The following EGFR variants were observed in gnomAD, a reference collection of about 807,000 sequenced individuals.
EGFR encodes the protein epidermal growth factor receptor.
EGFR carries 58 observed loss-of-function variants against 143.0 expected under a neutral mutation model. The observed-to-expected ratio is 0.41, with a 90% confidence interval of 0.33 to 0.50. The LOEUF is 0.50. Ranked by LOEUF, EGFR falls within the 20% of genes least tolerant of loss-of-function variation. EGFR has a pLI of 0.39. For missense variants in EGFR, 1,307 were observed against 1,579.0 expected (o/e 0.83, Z 2.92); for synonymous variants, 613 against 594.4 (o/e 1.03, Z -0.45).
chr7:55,165,141 G>A (rs1278717042), intron 14 of EGFR, 139 bp from the exon 15 acceptor site: 9 of 1,224,244 alleles, frequency 7.4e-6, no homozygotes, highest in Non-Finnish European at 1.0e-5. Flanking sequence ...CAGAATAACT[G>A]GTTTTCTCCT....
At chr7:55,119,829 G>C (rs143817306) in intron 1 of EGFR, among the ~76,000 whole-genome samples, 12 of 152,304 alleles carry the variant, frequency 7.9e-5, no homozygotes, top group Middle Eastern at 3.4e-3. Flanking sequence ...GGTGACCACT[G>C]CCCCAAATCT....
At position 55,181,411 on chromosome 7, in the gene EGFR, A is replaced by G. The variant is rs779394350; in HGVS notation, c.2402A>G (p.Tyr801Cys). 5 of 1,614,190 alleles carry G rather than the reference A, an allele frequency of 3.1e-6. No homozygotes were observed. Among genetic ancestry groups the G allele is most frequent in the East Asian group, 2.2e-5 (1 of 44,874 alleles). ...ATGCCCTTCGGCTGCCTCCTGGACT[A>G]TGTCCGGGAACACAAAGACAATATT... The part of the protein sequence containing the change: ...QLMPFGCLLD[Y>C]VREHKDNIGS... Residue 801 changes from tyrosine to cysteine, a missense_variant, in exon 20 of 28, where the codon TAT becomes TGT. This residue lies in a region of EGFR where 348 missense variants were observed against 451.5 expected (regional missense o/e 0.77). Coordinates refer to ENST00000275493, the MANE Select transcript of EGFR (RefSeq NM_005228.5).
At chr7:55,146,788 C>G (rs1794788851) in intron 4 of EGFR, 48 bp downstream of exon 4, 2 of 1,612,876 alleles carry the variant, frequency 1.2e-6, no homozygotes, top group Non-Finnish European at 1.7e-6. Flanking sequence ...CTATGGGGGA[C>G]AGCTCTACAG....
At chr7:55,155,361 T>C (rs1418802829) in intron 7 of EGFR, among the ~76,000 whole-genome samples, 8 of 152,138 alleles carry the variant, frequency 5.3e-5, no homozygotes, top group Admixed American at 1.3e-4. Context: ...AGAATTGCTT[T>C]AACCCAGGAG....
chr7:55,065,369 A>G (rs1789434545), intron 1 of EGFR, among the ~76,000 whole-genome samples: 1 of 152,234 alleles, frequency 6.6e-6, no homozygotes, highest in Non-Finnish European at 1.5e-5. Context: ...GTGAGTCTAA[A>G]GGGTTAATGC....
rs1417155613 is a variant in EGFR at position 55,173,092 on chromosome 7, C to T, written c.2029C>T (p.Arg677Cys). Residue 677 changes from arginine (R) to cysteine (C), a missense_variant, in exon 17 of 28, where the codon CGC becomes TGC. By Grantham distance (180) the Arg-to-Cys change is radical. Around this residue, in one of 7 missense-constraint regions of EGFR, gnomAD observed 348 missense variants for 451.5 expected, o/e 0.77. Coordinates refer to ENST00000275493, the MANE Select transcript of EGFR (RefSeq NM_005228.5). ...FMRRRHIVRK[R>C]TLRRLLQERE... ...GCGAAGGCGCCACATCGTTCGGAAG[C>T]GCACGCTGCGGAGGCTGCTGCAGGA... 3.1e-6 allele frequency: 5 copies of T among 1,612,346 alleles called. No individual in the cohort carries two copies. The highest frequency in any genetic ancestry group is 1.7e-5 in the Admixed American group (1 of 60,000).
chr7:55,202,654 C>T lies in EGFR; in HGVS notation c.3271+29C>T, dbSNP rs571613855. ...AGTGGCTTGTCTGGAAACAGTCCTG[C>T]TCCTCAACCTCCTCGACCCACTCAG... On this transcript the variant is annotated intron_variant, in intron 27 of 27. Coordinates refer to ENST00000275493, the MANE Select transcript of EGFR (RefSeq NM_005228.5). 5.9e-5 allele frequency: 93 copies of T among 1,573,904 alleles called. No individual in the cohort carries two copies. Among genetic ancestry groups the T allele is most frequent in the Admixed American group, 1.8e-4 (10 of 55,588 alleles).
intron 1 of EGFR, among the ~76,000 whole-genome samples, chr7:55,136,605 C>T (rs936746627): frequency 1.3e-5 from 2 of 152,236 alleles, no homozygotes; most frequent in African/African-American, 4.8e-5. Flanking sequence ...AGACACTCCC[C>T]AGCTTACTAC....
chr7:55,170,209 A>G (rs1786274820), intron 15 of EGFR: 1 of 1,603,968 alleles, frequency 6.2e-7, no homozygotes, highest in Non-Finnish European at 8.5e-7. Flanking sequence ...AGAGACCTGG[A>G]GAGCAGAGAT....
At chr7:55,055,626 G>A (rs568808121) in intron 1 of EGFR, among the ~76,000 whole-genome samples, 3 of 151,670 alleles carry the variant, frequency 2.0e-5, no homozygotes, top group Non-Finnish European at 2.9e-5. Context: ...GTCCTTCTAC[G>A]AACTGACTCA....
intron 1 of EGFR, among the ~76,000 whole-genome samples, chr7:55,108,314 G>A (rs1211964328): frequency 6.6e-6 from 1 of 152,264 alleles, no homozygotes; most frequent in Non-Finnish European, 1.5e-5. Flanking sequence ...TTCACGCACA[G>A]GGGCCGTATC....
rs761127339 is a variant in EGFR at position 55,161,569 on chromosome 7, C to T, written c.1569C>T (p.Cys523=). ...EGCWGPEPRD[C]VSCRNVSRGR... is the part of the protein sequence containing the mutation. ...GCTGGGGCCCGGAGCCCAGGGACTG[C>T]GTCTCTTGCCGGAATGTCAGCCGAG... The change falls in exon 13 of 28, where the codon TGC becomes TGT. Residue 523 remains cysteine, a synonymous_variant. Transcript: ENST00000275493. The T allele has an allele frequency of 2.5e-5, 41 of 1,614,146 alleles. No homozygotes were observed. Among genetic ancestry groups the T allele is most frequent in the Non-Finnish European group, 3.3e-5 (39 of 1,180,046 alleles).
intron 1 of EGFR, among the ~76,000 whole-genome samples, chr7:55,084,322 C>T (rs1378390769): frequency 6.6e-6 from 1 of 152,180 alleles, no homozygotes; most frequent in Admixed American, 6.5e-5. Context: ...AGAGGCCACC[C>T]TCTCCATAAG....
intron 1 of EGFR, among the ~76,000 whole-genome samples, chr7:55,037,332 T>C (rs1047038721): frequency 2.0e-5 from 3 of 152,196 alleles, no homozygotes; most frequent in African/African-American, 7.2e-5. Context: ...AAGGAGCCTG[T>C]AATCCAGATC....
At chr7:55,093,713 G>A (rs778763322) in intron 1 of EGFR, among the ~76,000 whole-genome samples, 7 of 152,168 alleles carry the variant, frequency 4.6e-5, no homozygotes, top group Admixed American at 1.3e-4. Flanking sequence ...GAAACTTTTA[G>A]CTGGTGGATG....
At chr7:55,033,570 G>A (rs925025404) in intron 1 of EGFR, among the ~76,000 whole-genome samples, 6 of 152,162 alleles carry the variant, frequency 3.9e-5, no homozygotes, top group Admixed American at 1.3e-4. Flanking sequence ...AGGCTGGAGC[G>A]TGCCCCATGT....
rs1024837937 is a variant in EGFR at position 55,190,435 on chromosome 7, T to G, written c.2470-1284T>G. ...CGAGACCCTAGGTTCTTATGATGAC[T>G]GGTTTTGCCTGAGAAAGAAAAAATT... On this transcript the variant is annotated intron_variant, in intron 20 of 27. Coordinates refer to ENST00000275493, the MANE Select transcript of EGFR (RefSeq NM_005228.5). Among the ~76,000 whole-genome samples, 7 of 152,264 alleles carry G rather than the reference T, an allele frequency of 4.6e-5. No individual in the cohort carries two copies. The South Asian group carries it at 1.4e-3, about 32-fold the overall frequency.
intron 27 of EGFR, among the ~76,000 whole-genome samples, chr7:55,203,668 CAT>C (rs1034846077): frequency 6.6e-5 from 9 of 135,530 alleles, no homozygotes; most frequent in East Asian, 2.0e-4. Context: ...CACACACACA[CAT>C]ACACACACCA....
rs376200348 is a variant in EGFR, at chr7:55,173,266, T to C, written c.2061+142T>C. 2.3e-5 allele frequency: 29 copies of C among 1,265,826 alleles called. No homozygotes were observed. In the African/African-American group the frequency reaches 3.6e-4, roughly 15 times the overall value. 78.4% of individuals were successfully genotyped at this position (1,265,826 alleles called of 1,614,324 possible). The stretch of plus-strand genomic sequence containing the variant: ...GCAGAAAGAATCTCTGAATGTGCAG[T>C]TATACCCAGTTGGTGACATGTTGGT... On this transcript the variant is annotated intron_variant, in intron 17 of 27. Transcript: ENST00000275493.
Sources: gnomAD v4.1 joint callset for allele counts (sites outside exome capture counted in the v4.1 genomes callset) on GRCh38, gnomAD v4.1.1 for gene constraint, gnomAD v4.1.1 regional missense constraint, MANE v1.5 for transcripts, NCBI Gene and HGNC (gene_info 2026-07-23, HGNC 2026-07-21) for gene names.